Variants in MINK1 observed in about 807,000 individuals in gnomAD.
MINK1 encodes misshapen like kinase 1.
A neutral mutation model predicts 178.4 loss-of-function variants in MINK1; 46 were observed. That is an observed-to-expected ratio of 0.26 (90% CI 0.20 to 0.33). The LOEUF is 0.33. Ranked by LOEUF, MINK1 falls within the 10% of genes least tolerant of loss-of-function variation. The pLI, the probability that MINK1 is intolerant of heterozygous loss-of-function variation, is 1.00. For missense variants in MINK1, 1,366 were observed against 1,814.9 expected (o/e 0.75, Z 4.49); for synonymous variants, 797 against 709.7 (o/e 1.12, Z -1.96).
Position 4,881,034 on chromosome 17 carries a change from C to T in MINK1, c.174C>T (p.Val58=). The T allele has an allele frequency of 6.5e-7, 1 of 1,531,772 alleles. No individual in the cohort carries two copies. 94.9% of individuals were successfully genotyped at this position (1,531,772 alleles called of 1,614,324 possible). The stretch of plus-strand genomic sequence containing the variant: ...TGGCTGCCATCAAGGTCATGGATGT[C>T]ACGGAGGTAGGGAGTGGAGCTGGGC... ...GQLAAIKVMD[V]TEDEEEEIKQ... Residue 58 remains valine, a synonymous_variant, in exon 3 of 32, where the codon GTC becomes GTT. Transcript: ENST00000355280.
At chr17:4,883,531 TTTTG>T (rs911013255) in intron 4 of MINK1, among the ~76,000 whole-genome samples, 6 of 148,462 alleles carry the variant, frequency 4.0e-5, no homozygotes, top group Admixed American at 6.8e-5. Flanking sequence ...GTTTTGGGTT[TTTTG>T]TTTGTTTGTT....
At chr17:4,897,137 T>G in intron 31 of MINK1, 67 bp from the exon 32 acceptor site, 1 of 1,259,190 alleles carries the variant, frequency 7.9e-7, no homozygotes, top group Non-Finnish European at 1.1e-6. Flanking sequence ...TTCCCTTCTT[T>G]CCCTCTCCCA....
Position 4,833,785 on chromosome 17 carries a change from C to T in MINK1, c.57+145C>T. 1.6e-6 allele frequency: 1 copy of T among 606,682 alleles called. No individual in the cohort carries two copies. Among genetic ancestry groups the T allele is most frequent in the Non-Finnish European group, 2.7e-6 (1 of 375,624 alleles). 37.6% of individuals were successfully genotyped at this position (606,682 alleles called of 1,614,324 possible). On this transcript the variant is annotated intron_variant, in intron 1 of 31. Coordinates refer to ENST00000355280, the MANE Select transcript of MINK1 (RefSeq NM_153827.5). The surrounding 1 kb of genome is among the most constrained non-coding windows in gnomAD (Gnocchi z 4.8). Reference sequence around the variant, plus strand: ...GCGACCCGTGCCCCTTTCCCGGACTCCCGCCGCGGCTGGGCCCCCGCCCTC... The same window carrying T: ...GCGACCCGTGCCCCTTTCCCGGACTTCCGCCGCGGCTGGGCCCCCGCCCTC...
rs1183564305 is a variant in MINK1 at position 4,895,778 on chromosome 17, A to C, written c.3310A>C (p.Lys1104Gln). Reference protein sequence around the residue: ...ILHNDPEVEKKQGWTTVGDME... With the variant: ...ILHNDPEVEKQQGWTTVGDME... ...GCACAATGACCCAGAAGTGGAGAAG[A>C]AGCAGGGCTGGACCACCGTGGGGGA... Residue 1104 changes from lysine to glutamine, a missense_variant, in exon 27 of 32, where the codon AAG becomes CAG. Physicochemically the swap from Lys to Gln is moderately conservative, Grantham distance 53 (BLOSUM62 1). Around this residue, in one of 14 missense-constraint regions of MINK1, gnomAD observed 77 missense variants for 119.5 expected, o/e 0.64. Transcript: ENST00000355280. This position sits in a 1 kb window ranked among gnomAD's most constrained non-coding sequence, Gnocchi z 4.3. 5.6e-6 allele frequency: 9 copies of C among 1,613,710 alleles called. No homozygotes were observed. Among genetic ancestry groups the C allele is most frequent in the South Asian group, 1.1e-5 (1 of 91,068 alleles).
At chr17:4,852,023 A>AGC (rs1276065821) in intron 1 of MINK1, among the ~76,000 whole-genome samples, 1 of 133,910 alleles carries the variant, frequency 7.5e-6, no homozygotes, top group Non-Finnish European at 1.6e-5. Flanking sequence ...AAAAAAAAAA[A>AGC]AAAACTAAGA....
At chr17:4,841,748 G>T (rs1244352808) in intron 1 of MINK1, among the ~76,000 whole-genome samples, 1 of 152,038 alleles carries the variant, frequency 6.6e-6, no homozygotes, top group African/African-American at 2.4e-5. Flanking sequence ...AAGAGACATG[G>T]ATCTAAGTAT....
rs151245503 is a variant in MINK1, at chr17:4,863,780, C to CATTATTATT, written c.58-14521_58-14513dup. Among the ~76,000 whole-genome samples the CATTATTATT allele has an allele frequency of 5.2e-4, 78 of 148,908 alleles. 1 individual carries two copies. Among genetic ancestry groups the CATTATTATT allele is most frequent in the Middle Eastern group, 3.5e-3 (1 of 286 alleles). On this transcript the variant is annotated intron_variant, in intron 1 of 31. Coordinates refer to ENST00000355280, the MANE Select transcript of MINK1 (RefSeq NM_153827.5). ...AATGCTCAAAAATTGCTAGCTGTCT[C>CATTATTATT]ATTATTATTATTATTATTATTATTT...
At chr17:4,862,800 G>A (rs113933263) in intron 1 of MINK1, among the ~76,000 whole-genome samples, 3 of 152,146 alleles carry the variant, frequency 2.0e-5, no homozygotes, top group Non-Finnish European at 4.4e-5. Flanking sequence ...GTGTGTCCGA[G>A]GCAGCAGGAT....
At position 4,881,233 on chromosome 17, in the gene MINK1, C is replaced by T. The variant is rs1472385054; in HGVS notation, c.282C>T (p.Pro94=). The change falls in exon 4 of 32, where the codon CCC becomes CCT. Residue 94 remains proline (P), a synonymous_variant. Transcript: ENST00000355280. ...ACGGAGCCTTCATCAAGAAGAGCCC[C>T]CCGGGAAACGATGACCAGCTCTGGG... ...TYYGAFIKKS[P]PGNDDQLWLV... 5 of 1,537,232 alleles carry T rather than the reference C, an allele frequency of 3.3e-6. No homozygotes were observed. Among genetic ancestry groups the T allele is most frequent in the Non-Finnish European group, 4.4e-6 (5 of 1,146,896 alleles).
In MINK1 at chr17:4,895,232, A is replaced by T. The variant is rs776366181; in HGVS notation, c.3075A>T (p.Ala1025=). ...GATTCAACTCCGAGATCCTCTGTGCAGCCCTTTGGGGTAAGCCAGGGCAGG... is the reference window on the plus strand; with the variant it reads ...GATTCAACTCCGAGATCCTCTGTGCTGCCCTTTGGGGTAAGCCAGGGCAGG... ...KKRFNSEILC[A]ALWGVNLLVG... Residue 1025 remains alanine (A), a synonymous_variant, in exon 25 of 32, where the codon GCA becomes GCT. Transcript: ENST00000355280. The surrounding 1 kb of genome is among the most constrained non-coding windows in gnomAD (Gnocchi z 4.3). The T allele has an allele frequency of 7.4e-6, 12 of 1,613,986 alleles. No individual in the cohort carries two copies. The highest frequency in any genetic ancestry group is 3.3e-5 in the Admixed American group (2 of 59,998).
rs1969479291 is a variant in MINK1, at chr17:4,896,408, A to G, written c.3616-21A>G. ...TCTGGGCACCAGACACGGAGACTCTAGTCCCCCTCCTTCTCCCCAGATCCA... is the reference window on the plus strand; with the variant it reads ...TCTGGGCACCAGACACGGAGACTCTGGTCCCCCTCCTTCTCCCCAGATCCA... On this transcript the variant is annotated intron_variant, in intron 29 of 31. Transcript: ENST00000355280. This position sits in a 1 kb window ranked among gnomAD's most constrained non-coding sequence, Gnocchi z 4.6. 6.2e-7 allele frequency: 1 copy of G among 1,612,788 alleles called. No individual in the cohort carries two copies. Among genetic ancestry groups the G allele is most frequent in the Non-Finnish European group, 8.5e-7 (1 of 1,179,296 alleles).
At chr17:4,868,381 A>G (rs1266099497) in intron 1 of MINK1, among the ~76,000 whole-genome samples, 3 of 152,078 alleles carry the variant, frequency 2.0e-5, no homozygotes. Context: ...ATCCACCTGT[A>G]TTTCTGAATC....
At position 4,897,304 on chromosome 17, in the gene MINK1, G is replaced by A. The variant is rs1266673430; in HGVS notation, c.*17G>A. ...AACTGGTGACGGGGCCCTGGGCTGG[G>A]GCTGTCCCACACTGGACCCAGCTCT... On this transcript the variant is annotated 3_prime_UTR_variant, in exon 32 of 32. Transcript: ENST00000355280. 6.2e-7 allele frequency: 1 copy of A among 1,612,130 alleles called. No homozygotes were observed. Among genetic ancestry groups the A allele is most frequent in the Non-Finnish European group, 8.5e-7 (1 of 1,178,452 alleles).
Position 4,895,122 on chromosome 17 carries a change from G to C in MINK1, c.2965G>C (p.Val989Leu). Reference protein sequence around the residue: ...GTRLDQLQYDVRKGSVVNVNP... With the variant: ...GTRLDQLQYDLRKGSVVNVNP... ...TCGGCTCGACCAGCTGCAGTACGAC[G>C]TGAGGAAGGGTTCTGTGGTCAACGT... The change falls in exon 25 of 32, where the codon GTG becomes CTG. Residue 989 changes from valine (V) to leucine (L), a missense_variant. By Grantham distance (32) the Val-to-Leu change is conservative (BLOSUM62 1). This residue lies in a region of MINK1 where 709 missense variants were observed against 692.3 expected (regional missense o/e 1.02). Transcript: ENST00000355280. This position sits in a 1 kb window ranked among gnomAD's most constrained non-coding sequence, Gnocchi z 4.3. 1.9e-6 allele frequency: 3 copies of C among 1,613,816 alleles called. No homozygotes were observed. Among genetic ancestry groups the C allele is most frequent in the Non-Finnish European group, 2.5e-6 (3 of 1,180,008 alleles).
intron 1 of MINK1, among the ~76,000 whole-genome samples, chr17:4,866,472 A>G (rs555323871): frequency 7.0e-6 from 1 of 142,436 alleles, no homozygotes; most frequent in Non-Finnish European, 1.6e-5. Context: ...TCTCAAAATT[A>G]AAAAAAAAAA....
At position 4,892,143 on chromosome 17, in the gene MINK1, C is replaced by T. The variant is rs777498284; in HGVS notation, c.2002-6C>T. ...CAGCTCGCAGCACGTGGACTTCTCT[C>T]CACAGGTGCCTCAGAGGACCTCATC... is the stretch of plus-strand genomic sequence containing the variant. On this transcript the variant is annotated splice_region_variant and splice_polypyrimidine_tract_variant and intron_variant, in intron 16 of 31. Coordinates refer to ENST00000355280, the MANE Select transcript of MINK1 (RefSeq NM_153827.5). 1.9e-6 allele frequency: 3 copies of T among 1,589,266 alleles called. No homozygotes were observed. Among genetic ancestry groups the T allele is most frequent in the Non-Finnish European group, 2.6e-6 (3 of 1,168,524 alleles).
At chr17:4,874,155 CT>C (rs1264410693) in intron 1 of MINK1, among the ~76,000 whole-genome samples, 3 of 152,164 alleles carry the variant, frequency 2.0e-5, no homozygotes, top group Non-Finnish European at 4.4e-5. Context: ...CTTGGCCAAT[CT>C]ATAAAATTAT....
At chr17:4,868,275 C>G (rs1041748979) in intron 1 of MINK1, among the ~76,000 whole-genome samples, 1 of 152,166 alleles carries the variant, frequency 6.6e-6, no homozygotes, top group African/African-American at 2.4e-5. Flanking sequence ...CCGTGCCCAA[C>G]CCTCTTCTAG....
At chr17:4,838,305 C>T (rs941493902) in intron 1 of MINK1, among the ~76,000 whole-genome samples, 1 of 152,136 alleles carries the variant, frequency 6.6e-6, no homozygotes, top group Non-Finnish European at 1.5e-5. Context: ...ACATCCCCAC[C>T]CTTTATGCTA....
Sources: allele counts gnomAD v4.1 joint callset (sites outside exome capture counted in the v4.1 genomes callset), GRCh38; gene constraint gnomAD v4.1.1; regional missense constraint gnomAD v4.1.1; non-coding constraint Gnocchi (gnomAD v3.1); transcripts MANE v1.5; gene names NCBI Gene and HGNC (gene_info 2026-07-23, HGNC 2026-07-21).